Variants in SLC35F4 observed in about 807,000 individuals in gnomAD.
SLC35F4 encodes the protein chromosome 14 open reading frame 36.
SLC35F4 carries 24 observed loss-of-function variants against 44.2 expected under a neutral mutation model. The ratio of observed to expected loss-of-function variants is 0.54; its 90% CI spans 0.39 to 0.76. SLC35F4 has a LOEUF of 0.76. Among genes scored for constraint, SLC35F4 ranks in the 30% least tolerant of loss-of-function variants. The pLI is 0.00. For synonymous variants in SLC35F4, 238 were observed against 223.6 expected (o/e 1.06, Z -0.57); for missense variants, 562 against 586.1 (o/e 0.96, Z 0.42).
At chr14:57,867,773 ATATAT>A (rs975817911), upstream of SLC35F4, among the ~76,000 whole-genome samples, 5 of 152,188 alleles carry the variant, frequency 3.3e-5, no homozygotes, top group Non-Finnish European at 7.3e-5. Flanking sequence ...CCAATATTAC[ATATAT>A]TATATATTTT....
chr14:57,763,683 A>C (rs1293553438), intron 1 of SLC35F4, among the ~76,000 whole-genome samples: 1 of 152,206 alleles, frequency 6.6e-6, no homozygotes, highest in Non-Finnish European at 1.5e-5. Context: ...TTTACAAAGC[A>C]CAGATGTATA....
At chr14:57,952,306 G>T (rs554464063) in intron 1 of SLC35F4, among the ~76,000 whole-genome samples, 11 of 152,186 alleles carry the variant, frequency 7.2e-5, no homozygotes, top group South Asian at 4.1e-4. Context: ...AAGACCAAAG[G>T]TAGATAAATC....
intron 1 of SLC35F4, among the ~76,000 whole-genome samples, chr14:57,799,251 C>A (rs774947078): frequency 2.0e-5 from 3 of 152,188 alleles, no homozygotes; most frequent in Non-Finnish European, 4.4e-5. Context: ...TTGTGCAGCC[C>A]CAGCCGGGAA....
intron 1 of SLC35F4, among the ~76,000 whole-genome samples, chr14:57,824,397 G>C (rs1177542074): frequency 6.6e-6 from 1 of 152,070 alleles, no homozygotes; most frequent in Non-Finnish European, 1.5e-5. Context: ...GTAGATGGTA[G>C]GTAGGTAGAA....
chr14:57,618,273 T>C (rs2071968508), intron 1 of SLC35F4, among the ~76,000 whole-genome samples: 1 of 152,198 alleles, frequency 6.6e-6, no homozygotes, highest in African/African-American at 2.4e-5. Context: ...ATAGCACTGG[T>C]ATGCAGCTCC....
intron 1 of SLC35F4, among the ~76,000 whole-genome samples, chr14:57,700,419 G>A (rs1009906841): frequency 1.3e-5 from 2 of 152,118 alleles, no homozygotes; most frequent in Non-Finnish European, 2.9e-5. Flanking sequence ...GAAGTCCTAG[G>A]ACATTACTGT....
At chr14:57,791,360 C>T (rs1310007431) in intron 1 of SLC35F4, among the ~76,000 whole-genome samples, 1 of 152,072 alleles carries the variant, frequency 6.6e-6, no homozygotes, top group Non-Finnish European at 1.5e-5. Context: ...ATATTTATGG[C>T]CAACAAACAT....
At chr14:57,953,149 A>C (rs1021153008) in intron 1 of SLC35F4, among the ~76,000 whole-genome samples, 1 of 152,218 alleles carries the variant, frequency 6.6e-6, no homozygotes, top group African/African-American at 2.4e-5. Flanking sequence ...TTCTTAAAGA[A>C]AGTAATTTTC....
chr14:57,586,502 G>C (rs1207408237), intron 3 of SLC35F4, among the ~76,000 whole-genome samples: 2 of 151,888 alleles, frequency 1.3e-5, no homozygotes, highest in Non-Finnish European at 2.9e-5. Flanking sequence ...CAGATCACGA[G>C]GTCAAGAGAT....
chr14:57,615,882 C>G (rs1175854858), intron 1 of SLC35F4, among the ~76,000 whole-genome samples: 1 of 152,162 alleles, frequency 6.6e-6, no homozygotes, highest in Non-Finnish European at 1.5e-5. Context: ...GAACCTTATA[C>G]CAAATATTAG....
intron 1 of SLC35F4, among the ~76,000 whole-genome samples, chr14:57,809,588 G>A (rs1227028899): frequency 6.6e-6 from 1 of 152,190 alleles, no homozygotes; most frequent in Non-Finnish European, 1.5e-5. Flanking sequence ...ACCCTTTACT[G>A]TCTTAACTCA....
At chr14:57,787,171 T>G (rs1054819584) in intron 1 of SLC35F4, among the ~76,000 whole-genome samples, 8 of 152,042 alleles carry the variant, frequency 5.3e-5, no homozygotes, top group African/African-American at 1.7e-4. Context: ...AATTCAGAGC[T>G]CAAGACAAAG....
chr14:57,956,639 C>A (rs913325357), intron 1 of SLC35F4, among the ~76,000 whole-genome samples: 3 of 152,070 alleles, frequency 2.0e-5, no homozygotes, highest in Admixed American at 1.3e-4. Context: ...AGGATAATAA[C>A]AGACACTTCT....
At chr14:57,677,149 A>G (rs2074721530) in intron 1 of SLC35F4, among the ~76,000 whole-genome samples, 1 of 152,116 alleles carries the variant, frequency 6.6e-6, no homozygotes, top group Non-Finnish European at 1.5e-5. Flanking sequence ...TAAGTGAAGT[A>G]GCTCAGGAAT....
At chr14:57,596,620 G>A in intron 1 of SLC35F4, 4 of 481,860 alleles carry the variant, frequency 8.3e-6, no homozygotes, top group Admixed American at 7.0e-5. Flanking sequence ...ATCAAAAGGA[G>A]AAAGTCTAGA....
intron 1 of SLC35F4, chr14:57,837,284 G>T (rs979231590): frequency 6.6e-6 from 1 of 152,140 alleles, no homozygotes; most frequent in East Asian, 1.9e-4. Context: ...AGAATTTAGG[G>T]CTTGATGGAA....
chr14:57,699,683 TG>T (rs374481999), intron 1 of SLC35F4, among the ~76,000 whole-genome samples: 150 of 152,304 alleles, frequency 9.8e-4, no homozygotes, highest in African/African-American at 3.3e-3. Flanking sequence ...ACCCCTCTTT[TG>T]GGGGAAAGAA....
intron 1 of SLC35F4, among the ~76,000 whole-genome samples, chr14:57,761,407 T>C (rs554001180): frequency 4.6e-5 from 7 of 152,276 alleles, no homozygotes; most frequent in African/African-American, 1.7e-4. Context: ...GGATAAAGAA[T>C]GATAATGCCT....
intron 1 of SLC35F4, among the ~76,000 whole-genome samples, chr14:57,901,247 AT>A (rs1888994189): frequency 6.6e-6 from 1 of 152,254 alleles, no homozygotes; most frequent in Non-Finnish European, 1.5e-5. Flanking sequence ...ACTATTTACA[AT>A]AGCAAAGATC....
Sources: gnomAD v4.1 joint callset for allele counts (sites outside exome capture counted in the v4.1 genomes callset) on GRCh38, gnomAD v4.1.1 for gene constraint, MANE v1.5 for transcripts, NCBI Gene and HGNC (gene_info 2026-07-23, HGNC 2026-07-21) for gene names.